The following AFF3 variants were observed in gnomAD, a reference collection of about 807,000 sequenced individuals.
AFF3 encodes AF4/FMR2 family member 3.
In AFF3, 32 loss-of-function variants were observed where a neutral mutation model predicts 129.7. The observed-to-expected ratio is 0.25, with a 90% confidence interval of 0.19 to 0.33. The LOEUF (loss-of-function observed/expected upper bound fraction) is 0.33, where lower values mean the gene tolerates loss of function less well. Ranked by LOEUF, AFF3 falls within the 10% of genes least tolerant of loss-of-function variation. The probability of loss-of-function intolerance (pLI) is 1.00; values close to 1 mark genes in which losing one functional copy is unlikely to be tolerated. For missense variants in AFF3, 1,373 were observed against 1,592.0 expected (o/e 0.86, Z 2.34); for synonymous variants, 644 against 635.4 (o/e 1.01, Z -0.20).
At chr2:99,837,609 C>CT in intron 7 of AFF3, 85 bp from the exon 8 acceptor site, 2 of 1,291,580 alleles carry the variant, frequency 1.5e-6, no homozygotes, top group Non-Finnish European at 2.2e-6. Context: ...ATTAGTCCCC[C>CT]CCAACAAAAA....
chr2:99,837,546 T>C, intron 7 of AFF3, 22 bp from the exon 8 acceptor site: 1 of 1,605,030 alleles, frequency 6.2e-7, no homozygotes, highest in Non-Finnish European at 8.5e-7. Context: ...GAAAAAAAAA[T>C]TAAGCCTGAT....
chr2:100,028,374 G>A (rs747087884), intron 4 of AFF3, among the ~76,000 whole-genome samples: 8 of 152,138 alleles, frequency 5.3e-5, no homozygotes, highest in Non-Finnish European at 7.4e-5. Flanking sequence ...TTGTATGTAA[G>A]AGGGGCAAAC....
chr2:99,553,081 C>T (rs59783136), intron 24 of AFF3, among the ~76,000 whole-genome samples: 14,997 of 152,134 alleles, frequency 0.099, 938 homozygotes, highest in East Asian at 0.14. Context: ...GGATTACAGG[C>T]GAGCACCACC....
rs1230351684 is a variant in AFF3, at chr2:99,547,357, C to A, written c.*4117G>T. ...CCAATTTCACATGGATTAAAAACTG[C>A]AGATAAATTAAGTCACAATAATATC... On this transcript the variant is annotated 3_prime_UTR_variant, in exon 25 of 25. Transcript: ENST00000672756. 2 of 218,812 alleles carry A rather than the reference C, an allele frequency of 9.1e-6. No individual in the cohort carries two copies. The highest frequency in any genetic ancestry group is 2.2e-5 in the African/African-American group (1 of 44,492). 13.6% of individuals were successfully genotyped at this position (218,812 alleles called of 1,614,324 possible).
At position 99,778,924 on chromosome 2, in the gene AFF3, G is replaced by A. The variant is rs939225024; in HGVS notation, c.922-26623C>T. 4.3e-4 allele frequency among the ~76,000 whole-genome samples: 63 copies of A among 147,956 alleles called. 2 individuals are homozygous for A. The highest frequency in any genetic ancestry group is 1.3e-4 in the Non-Finnish European group (9 of 67,654). ...TGTGTGTGTGTGTGTGTGTGTGTGT[G>A]TGTGTGTGGCGGGGTTGGCTCTTTA... On this transcript the variant is annotated intron_variant, in intron 8 of 24. Coordinates refer to ENST00000672756, the MANE Select transcript of AFF3 (RefSeq NM_001386135.1).
intron 7 of AFF3, among the ~76,000 whole-genome samples, chr2:99,846,212 C>G (rs1381920710): frequency 6.6e-6 from 1 of 152,100 alleles, no homozygotes; most frequent in East Asian, 1.9e-4. Flanking sequence ...TCACTGCAAC[C>G]TCCACCTTCC....
chr2:99,707,238 A>G (rs1378887333), intron 11 of AFF3: 3 of 985,288 alleles, frequency 3.0e-6, no homozygotes, highest in African/African-American at 3.5e-5. Context: ...GAACAGTGTC[A>G]TATCTGTGAC....
intron 8 of AFF3, among the ~76,000 whole-genome samples, chr2:99,757,024 G>A (rs1043541068): frequency 2.6e-5 from 4 of 152,088 alleles, no homozygotes; most frequent in African/African-American, 7.2e-5. Context: ...CTCTTCCCCC[G>A]TGGCTCCCAC....
chr2:99,982,255 G>A (rs373696170), intron 7 of AFF3, among the ~76,000 whole-genome samples: 1 of 152,266 alleles, frequency 6.6e-6, no homozygotes, highest in Non-Finnish European at 1.5e-5. Flanking sequence ...ATGGGGGCAG[G>A]TCTTTCCCGT....
chr2:99,697,100 C>CGGAATCTTG lies in AFF3; in HGVS notation c.1092-24512_1092-24511insCAAGATTCC, dbSNP rs1187237059. Among the ~76,000 whole-genome samples, 46 of 152,318 alleles carry CGGAATCTTG rather than the reference C, an allele frequency of 3.0e-4. No homozygotes were observed. The East Asian group carries it at 7.9e-3, about 26-fold the overall frequency. On this transcript the variant is annotated intron_variant, in intron 11 of 24. Transcript: ENST00000672756. Reference sequence around the variant, plus strand: ...CAAGTCTCTTAATCCAACTTCTCTTCCCACCTCGGAATCTCAGTCCAGGGC... The same window carrying CGGAATCTTG: ...CAAGTCTCTTAATCCAACTTCTCTTCGGAATCTTGCCACCTCGGAATCTCAGTCCAGGGC...
chr2:99,780,971 T>C (rs1322581754), intron 8 of AFF3, among the ~76,000 whole-genome samples: 1 of 152,196 alleles, frequency 6.6e-6, no homozygotes, highest in East Asian at 1.9e-4. Flanking sequence ...AAACAGATCA[T>C]GTCAGTCTTC....
intron 7 of AFF3, among the ~76,000 whole-genome samples, chr2:99,863,895 T>C (rs1254862848): frequency 1.3e-5 from 2 of 152,120 alleles, no homozygotes; most frequent in African/African-American, 4.8e-5. Context: ...ATGTTGGAAA[T>C]GACAAAGAAG....
intron 4 of AFF3, among the ~76,000 whole-genome samples, chr2:100,062,989 G>C (rs1227298700): frequency 6.6e-6 from 1 of 151,692 alleles, no homozygotes; most frequent in Non-Finnish European, 1.5e-5. Context: ...AGTGGCTCAC[G>C]ACCGTAATCC....
At chr2:100,049,197 T>TAA (rs774765668) in intron 4 of AFF3, among the ~76,000 whole-genome samples, 9 of 152,204 alleles carry the variant, frequency 5.9e-5, no homozygotes, top group Non-Finnish European at 8.8e-5. Context: ...GCCACAGCCT[T>TAA]ATTCATGTGA....
intron 12 of AFF3, among the ~76,000 whole-genome samples, chr2:99,670,626 A>G (rs1687072317): frequency 6.6e-6 from 1 of 152,150 alleles, no homozygotes; most frequent in Admixed American, 6.5e-5. Context: ...ATACCATATC[A>G]TTAGTCTTGT....
intron 8 of AFF3, among the ~76,000 whole-genome samples, chr2:99,795,880 T>C (rs1438546810): frequency 6.6e-6 from 1 of 152,130 alleles, no homozygotes; most frequent in Non-Finnish European, 1.5e-5. Context: ...TTGCCTCCTC[T>C]TCTAGACTAG....
intron 8 of AFF3, among the ~76,000 whole-genome samples, chr2:99,799,873 G>GAA: frequency 6.6e-6 from 1 of 152,166 alleles, no homozygotes; most frequent in East Asian, 1.9e-4. Context: ...TCAACAAATG[G>GAA]TACTGGAATA....
chr2:100,001,225 C>T (rs557397569), intron 7 of AFF3, among the ~76,000 whole-genome samples: 39 of 152,262 alleles, frequency 2.6e-4, no homozygotes, highest in Middle Eastern at 6.8e-3. Context: ...TGGTAGTTTC[C>T]CACCCTTGAG....
chr2:100,010,133 CT>C (rs1458809742), intron 4 of AFF3, among the ~76,000 whole-genome samples: 1 of 152,142 alleles, frequency 6.6e-6, no homozygotes, highest in Non-Finnish European at 1.5e-5. Flanking sequence ...TGTTATAAGG[CT>C]TAAATGTGAA....
Sources: allele counts gnomAD v4.1 joint callset (sites outside exome capture counted in the v4.1 genomes callset), GRCh38; gene constraint gnomAD v4.1.1; transcripts MANE v1.5; gene names NCBI Gene and HGNC (gene_info 2026-07-23, HGNC 2026-07-21).